The following ZNF354B variants were observed in gnomAD, a reference collection of about 807,000 sequenced individuals.
The protein encoded by ZNF354B is zinc finger protein 354B.
A neutral mutation model predicts 12.9 loss-of-function variants in ZNF354B; 10 were observed. That is an observed-to-expected ratio of 0.77 (90% CI 0.48 to 1.31). The LOEUF (loss-of-function observed/expected upper bound fraction) is 1.31. Ranked by LOEUF, ZNF354B falls within the 40% of genes most tolerant of loss-of-function variation. ZNF354B has a pLI of 0.00. For synonymous variants in ZNF354B, 260 were observed against 243.7 expected (o/e 1.07, Z -0.62); for missense variants, 614 against 711.7 (o/e 0.86, Z 1.56).
intron 4 of ZNF354B, among the ~76,000 whole-genome samples, chr5:178,879,198 G>A (rs1757682652): frequency 2.0e-5 from 3 of 151,284 alleles, no homozygotes; most frequent in Non-Finnish European, 4.4e-5. Context: ...ACAGGCATGT[G>A]CCACCACACC....
intron 4 of ZNF354B, among the ~76,000 whole-genome samples, chr5:178,876,057 T>G (rs1232976815): frequency 6.6e-6 from 1 of 152,104 alleles, no homozygotes; most frequent in African/African-American, 2.4e-5. Context: ...GAGGTACCAG[T>G]GTAGCGACCG....
chr5:178,873,746 T>C (rs1001833011), intron 4 of ZNF354B, among the ~76,000 whole-genome samples: 37 of 152,182 alleles, frequency 2.4e-4, no homozygotes, highest in Admixed American at 2.0e-3. Flanking sequence ...CTGTAGTTCT[T>C]TGTATGAATT....
intron 2 of ZNF354B, among the ~76,000 whole-genome samples, chr5:178,861,561 C>G (rs1338782724): frequency 6.6e-6 from 1 of 152,186 alleles, no homozygotes; most frequent in Non-Finnish European, 1.5e-5. Flanking sequence ...GTCTTGAAAT[C>G]TATTGTAGAC....
chr5:178,860,859 G>A lies in ZNF354B; in HGVS notation c.-51-138G>A, dbSNP rs531625581. Reference sequence around the variant, plus strand: ...GGCCGGGCGGCCCAGCGCTGCTCTGGTCCGCGGGCTCCTGGCTCCTCCCGA... The same window carrying A: ...GGCCGGGCGGCCCAGCGCTGCTCTGATCCGCGGGCTCCTGGCTCCTCCCGA... On this transcript the variant is annotated intron_variant, in intron 1 of 4. Coordinates refer to ENST00000322434, the MANE Select transcript of ZNF354B (RefSeq NM_058230.3). The A allele has an allele frequency of 1.1e-3, 519 of 479,406 alleles. 4 individuals are homozygous for A. Among genetic ancestry groups the A allele is most frequent in the African/African-American group, 0.011 (453 of 42,678 alleles). The allele number at this position is 479,406 out of a possible 1,614,324, so 29.7% of individuals were successfully genotyped here. A position where few individuals can be genotyped will look rare whatever the true frequency, so the allele number is the denominator to read the frequency against.
chr5:178,865,916 A>G (rs1477173394), intron 2 of ZNF354B, among the ~76,000 whole-genome samples: 2 of 152,104 alleles, frequency 1.3e-5, no homozygotes, highest in African/African-American at 2.4e-5. Context: ...TGTTTCTTAC[A>G]GTAATTGGTG....
At chr5:178,881,099 C>T (rs1282387278) in intron 4 of ZNF354B, among the ~76,000 whole-genome samples, 1 of 152,128 alleles carries the variant, frequency 6.6e-6, no homozygotes. Flanking sequence ...CTGCCTCAGC[C>T]TCCCAAAGTG....
intron 4 of ZNF354B, among the ~76,000 whole-genome samples, chr5:178,874,581 A>G (rs1049411566): frequency 2.0e-5 from 3 of 152,134 alleles, no homozygotes; most frequent in African/African-American, 7.2e-5. Flanking sequence ...TTTGAGCTCT[A>G]TTAGATCAGT....
chr5:178,883,837 G>A lies in ZNF354B; in HGVS notation c.1385G>A (p.Gly462Glu). 1 of 1,614,094 alleles carries A rather than the reference G, an allele frequency of 6.2e-7. No homozygotes were observed. The highest frequency in any genetic ancestry group is 8.5e-7 in the Non-Finnish European group (1 of 1,179,988). Reference protein sequence around the residue: ...TLIIHERIHTGEKPCKCKVCG... With the variant: ...TLIIHERIHTEEKPCKCKVCG... ...ATTATTCATGAGCGAATTCATACTG[G>A]AGAAAAACCATGTAAATGTAAAGTA... is the stretch of plus-strand genomic sequence containing the variant. The change falls in exon 5 of 5, where the codon GGA becomes GAA. Residue 462 changes from glycine (G) to glutamate (E), a missense_variant. Physicochemically the swap from Gly to Glu is moderately conservative, Grantham distance 98. Coordinates refer to ENST00000322434, the MANE Select transcript of ZNF354B (RefSeq NM_058230.3).
chr5:178,873,274 T>G (rs1757589617), intron 4 of ZNF354B, among the ~76,000 whole-genome samples: 1 of 152,236 alleles, frequency 6.6e-6, no homozygotes, highest in Non-Finnish European at 1.5e-5. Context: ...CTGGTTCTTT[T>G]GAAGAACACA....
intron 2 of ZNF354B, among the ~76,000 whole-genome samples, chr5:178,865,841 T>G (rs1485069597): frequency 6.8e-6 from 1 of 147,492 alleles, no homozygotes; most frequent in Admixed American, 6.7e-5. Context: ...GTATTTAGGT[T>G]GTTTCCTGTT....
In ZNF354B at chr5:178,876,927, C is replaced by CT. The variant is rs71589405; in HGVS notation, c.257-5769dup. On this transcript the variant is annotated intron_variant, in intron 4 of 4. Coordinates refer to ENST00000322434, the MANE Select transcript of ZNF354B (RefSeq NM_058230.3). The stretch of plus-strand genomic sequence containing the variant: ...ACCATACTTTCCTATTTTTTTATGC[C>CT]TTTTTTTTTTTTTGTCTTACAGTGT... Among the ~76,000 whole-genome samples, 290 of 141,382 alleles carry CT rather than the reference C, an allele frequency of 2.1e-3. 5 individuals carry two copies. Among genetic ancestry groups the CT allele is most frequent in the East Asian group, 0.014 (67 of 4,886 alleles). 92.8% of individuals were successfully genotyped at this position (141,382 alleles called of 152,430 possible). A position where few individuals can be genotyped will look rare whatever the true frequency, so the allele number is the denominator to read the frequency against.
chr5:178,880,184 A>G (rs1757697694), intron 4 of ZNF354B, among the ~76,000 whole-genome samples: 1 of 151,798 alleles, frequency 6.6e-6, no homozygotes, highest in South Asian at 2.1e-4. Flanking sequence ...TCGTCATCCA[A>G]TTTCTTTTTT....
At chr5:178,867,870 C>A (rs189281974) in intron 4 of ZNF354B, among the ~76,000 whole-genome samples, 1 of 152,208 alleles carries the variant, frequency 6.6e-6, no homozygotes, top group Admixed American at 6.5e-5. Flanking sequence ...TAATTTTTCA[C>A]AAAGAGAATA....
rs537003494 is a variant in ZNF354B, at chr5:178,861,443, C to T, written c.33+363C>T. On this transcript the variant is annotated intron_variant, in intron 2 of 4. Transcript: ENST00000322434. ...TCGCAGGAATACTTTCTCTTTTCAC[C>T]CCTGAGAATCCTCATAACACCACCC... Among the ~76,000 whole-genome samples the T allele has an allele frequency of 1.6e-4, 24 of 152,302 alleles. No individual in the cohort carries two copies. The South Asian group carries it at 3.5e-3, about 22-fold the overall frequency.
At chr5:178,868,392 G>C (rs994978302) in intron 4 of ZNF354B, among the ~76,000 whole-genome samples, 1 of 150,208 alleles carries the variant, frequency 6.7e-6, no homozygotes, top group African/African-American at 2.5e-5. Flanking sequence ...TGGTTGAACT[G>C]GGGGGGCTCT....
At chr5:178,878,067 G>A (rs1757663419) in intron 4 of ZNF354B, among the ~76,000 whole-genome samples, 1 of 152,188 alleles carries the variant, frequency 6.6e-6, no homozygotes, top group Non-Finnish European at 1.5e-5. Flanking sequence ...TGGGTAGTAT[G>A]CTGAGGGTGA....
chr5:178,877,830 A>G (rs911050302), intron 4 of ZNF354B, among the ~76,000 whole-genome samples: 1 of 152,212 alleles, frequency 6.6e-6, no homozygotes, highest in African/African-American at 2.4e-5. Context: ...ACAAGCCTTC[A>G]TATAGTTTCC....
At chr5:178,877,725 C>T (rs1485570082) in intron 4 of ZNF354B, among the ~76,000 whole-genome samples, 3 of 152,200 alleles carry the variant, frequency 2.0e-5, no homozygotes, top group Admixed American at 6.5e-5. Flanking sequence ...GATGCTAGTA[C>T]GGCTTCAAGC....
Position 178,860,994 on chromosome 5 carries a change from C to T in ZNF354B, c.-51-3C>T. Reference sequence around the variant, plus strand: ...TTCTTCCTGGCTCCCTTTTTCTTCTCAGATCTGCCTTCTGGAGACTGCGCC... The same window carrying T: ...TTCTTCCTGGCTCCCTTTTTCTTCTTAGATCTGCCTTCTGGAGACTGCGCC... On this transcript the variant is annotated splice_region_variant and splice_polypyrimidine_tract_variant and intron_variant, in intron 1 of 4. Transcript: ENST00000322434. 1 of 746,256 alleles carries T rather than the reference C, an allele frequency of 1.3e-6. No individual in the cohort carries two copies. 46.2% of individuals were successfully genotyped at this position (746,256 alleles called of 1,614,324 possible). A position where few individuals can be genotyped will look rare whatever the true frequency, so the allele number is the denominator to read the frequency against.
Sources: allele counts gnomAD v4.1 joint callset (sites outside exome capture counted in the v4.1 genomes callset), GRCh38; gene constraint gnomAD v4.1.1; transcripts MANE v1.5; gene names NCBI Gene and HGNC (gene_info 2026-07-23, HGNC 2026-07-21).